DEPTOR: variants seen among roughly 807,000 people sequenced by gnomAD.
The protein encoded by DEPTOR is DEP domain-containing mTOR-interacting protein.
DEPTOR carries 41 observed loss-of-function variants against 41.6 expected under a neutral mutation model. That is an observed-to-expected ratio of 0.98 (90% CI 0.77 to 1.28). The LOEUF (loss-of-function observed/expected upper bound fraction) is 1.28, where lower values mean the gene tolerates loss of function less well. Ranked by LOEUF, DEPTOR falls within the 50% of genes most tolerant of loss-of-function variation. DEPTOR has a pLI of 0.00. For synonymous variants in DEPTOR, 195 were observed against 192.3 expected, an observed-to-expected ratio of 1.01 and a Z score of -0.12; for missense variants, 514 against 527.9, an observed-to-expected ratio of 0.97 and a Z score of 0.26.
At chr8:119,990,831 A>G (rs1037292285) in intron 4 of DEPTOR, among the ~76,000 whole-genome samples, 2 of 152,082 alleles carry the variant, frequency 1.3e-5, no homozygotes, top group African/African-American at 2.4e-5. Flanking sequence ...CACTGTTGTT[A>G]TTGCCTTTTG....
chr8:120,021,106 T>C (rs1000713161), intron 8 of DEPTOR, among the ~76,000 whole-genome samples: 2 of 41,844 alleles, frequency 4.8e-5, no homozygotes, highest in Admixed American at 2.5e-4. Context: ...ATAATAGTCA[T>C]GATTAAATGG....
intron 3 of DEPTOR, among the ~76,000 whole-genome samples, chr8:119,936,540 C>T (rs1451196539): frequency 6.6e-6 from 1 of 152,110 alleles, no homozygotes; most frequent in Non-Finnish European, 1.5e-5. Context: ...ATAATTATTC[C>T]CATTATAAAA....
At chr8:119,874,287 C>G (rs891144189) in intron 1 of DEPTOR, 47 of 365,506 alleles carry the variant, frequency 1.3e-4, no homozygotes, top group Non-Finnish European at 2.3e-4. Context: ...TCCCGTGTAC[C>G]TGGACGCCGC....
intron 1 of DEPTOR, among the ~76,000 whole-genome samples, chr8:119,907,847 T>G (rs971218569): frequency 6.6e-6 from 1 of 151,880 alleles, no homozygotes; most frequent in Non-Finnish European, 1.5e-5. Context: ...GTTACTGTGA[T>G]ATAATATGAA....
intron 8 of DEPTOR, among the ~76,000 whole-genome samples, chr8:120,022,157 T>TAAAAA (rs34125548): frequency 4.3e-5 from 4 of 93,724 alleles, no homozygotes; most frequent in African/African-American, 1.2e-4. Flanking sequence ...GACCCCATCT[T>TAAAAA]AAAAAAAAAA....
intron 8 of DEPTOR, among the ~76,000 whole-genome samples, chr8:120,023,149 G>C (rs936110631): frequency 1.3e-5 from 2 of 152,174 alleles, no homozygotes; most frequent in Non-Finnish European, 2.9e-5. Context: ...TAGAGACAGT[G>C]AGCTGTTTGG....
At chr8:119,952,959 T>A (rs545484029) in intron 3 of DEPTOR, among the ~76,000 whole-genome samples, 1 of 152,320 alleles carries the variant, frequency 6.6e-6, no homozygotes, top group East Asian at 1.9e-4. Context: ...TACTCATAAA[T>A]ATTAACTGAG....
At chr8:120,024,413 A>G (rs1415745629) in intron 8 of DEPTOR, among the ~76,000 whole-genome samples, 1 of 152,166 alleles carries the variant, frequency 6.6e-6, no homozygotes, top group Non-Finnish European at 1.5e-5. Flanking sequence ...TCCCCCAAAA[A>G]GATATGTTGA....
chr8:120,015,846 G>T (rs889474118), intron 8 of DEPTOR, among the ~76,000 whole-genome samples: 1 of 152,074 alleles, frequency 6.6e-6, no homozygotes. Flanking sequence ...CACGTAGCCC[G>T]AAAAAGCTTG....
chr8:119,998,946 GA>G (rs112650879), intron 4 of DEPTOR, among the ~76,000 whole-genome samples: 17,886 of 137,586 alleles, frequency 0.13, 1,561 homozygotes, highest in African/African-American at 0.25. Context: ...TCAAAAATAG[GA>G]AAAAAAAAAA....
chr8:120,029,480 C>G (rs1323222451), intron 8 of DEPTOR, among the ~76,000 whole-genome samples: 2 of 152,136 alleles, frequency 1.3e-5, no homozygotes, highest in African/African-American at 4.8e-5. Flanking sequence ...ACTGCAACCT[C>G]TATCTCCTTG....
intron 8 of DEPTOR, among the ~76,000 whole-genome samples, chr8:120,024,921 C>G (rs1483862081): frequency 1.3e-5 from 2 of 152,102 alleles, no homozygotes; most frequent in Admixed American, 6.5e-5. Flanking sequence ...GCATTGGATA[C>G]AGGGGAGAAA....
chr8:120,048,887 C>T (rs1024311179), intron 8 of DEPTOR, among the ~76,000 whole-genome samples: 1 of 152,050 alleles, frequency 6.6e-6, no homozygotes, highest in Non-Finnish European at 1.5e-5. Context: ...ACCAAAGGGA[C>T]CTATAACTTA....
At chr8:119,892,782 T>G (rs1827467526) in intron 1 of DEPTOR, among the ~76,000 whole-genome samples, 1 of 105,942 alleles carries the variant, frequency 9.4e-6, no homozygotes, top group Non-Finnish European at 1.8e-5. Flanking sequence ...AGGACTTTAT[T>G]ATAATTTTTT....
At chr8:120,040,742 G>T (rs918604857) in intron 8 of DEPTOR, among the ~76,000 whole-genome samples, 7 of 152,186 alleles carry the variant, frequency 4.6e-5, no homozygotes, top group African/African-American at 1.7e-4. Context: ...ATTTCCTAAC[G>T]TAAGTATTCT....
At chr8:119,903,300 G>A (rs567041044) in intron 1 of DEPTOR, among the ~76,000 whole-genome samples, 1 of 152,266 alleles carries the variant, frequency 6.6e-6, no homozygotes, top group South Asian at 2.1e-4. Context: ...GTTTCGCCAT[G>A]TTAGCCAGGC....
At chr8:120,042,667 C>G (rs1027908945) in intron 8 of DEPTOR, among the ~76,000 whole-genome samples, 1 of 148,398 alleles carries the variant, frequency 6.7e-6, no homozygotes, top group Non-Finnish European at 1.5e-5. Flanking sequence ...TACAGGCATG[C>G]ACCACGATGC....
chr8:120,030,106 C>T (rs913466060), intron 8 of DEPTOR, among the ~76,000 whole-genome samples: 1 of 152,038 alleles, frequency 6.6e-6, no homozygotes, highest in Non-Finnish European at 1.5e-5. Context: ...ACCATATCCT[C>T]GTAAGCCTGG....
At chr8:119,997,868 T>C (rs1296160253) in intron 4 of DEPTOR, among the ~76,000 whole-genome samples, 7 of 152,200 alleles carry the variant, frequency 4.6e-5, no homozygotes, top group African/African-American at 1.7e-4. Context: ...TTAGCATGAT[T>C]GATAAATGCG....
Sources: allele counts gnomAD v4.1 joint callset (sites outside exome capture counted in the v4.1 genomes callset), GRCh38; gene constraint gnomAD v4.1.1; transcripts MANE v1.5; gene names NCBI Gene and HGNC (gene_info 2026-07-23, HGNC 2026-07-21).